Variants in LUZP2 observed in about 807,000 individuals in gnomAD.
LUZP2 encodes leucine zipper protein 2.
A neutral mutation model predicts 51.6 loss-of-function variants in LUZP2; 52 were observed. The ratio of observed to expected loss-of-function variants is 1.01; its 90% CI spans 0.81 to 1.27. The LOEUF (loss-of-function observed/expected upper bound fraction) is 1.27. Ranked by LOEUF, LUZP2 falls within the 50% of genes most tolerant of loss-of-function variation. The probability of loss-of-function intolerance (pLI) is 0.00; values close to 1 mark genes in which losing one functional copy is unlikely to be tolerated. For synonymous variants in LUZP2, 154 were observed against 137.3 expected (o/e 1.12, Z -0.85); for missense variants, 436 against 395.4 (o/e 1.10, Z -0.87).
At chr11:24,600,286 G>A (rs11028044) in intron 1 of LUZP2, among the ~76,000 whole-genome samples, 1 of 151,748 alleles carries the variant, frequency 6.6e-6, no homozygotes, top group East Asian at 1.9e-4. Flanking sequence ...TGCAGCTTAG[G>A]CCGAGATCAG....
intron 9 of LUZP2, among the ~76,000 whole-genome samples, chr11:24,987,828 G>A (rs1856231540): frequency 6.6e-6 from 1 of 151,890 alleles, no homozygotes; most frequent in Admixed American, 6.6e-5. Context: ...CCTCAAAACA[G>A]TGCACCTGGA....
intron 10 of LUZP2, among the ~76,000 whole-genome samples, chr11:25,057,333 G>A (rs1858718805): frequency 6.6e-6 from 1 of 152,042 alleles, no homozygotes; most frequent in Admixed American, 6.6e-5. Context: ...AAACCAGGCA[G>A]GGTCACTTAG....
At chr11:25,016,767 T>A (rs906376131) in intron 9 of LUZP2, among the ~76,000 whole-genome samples, 1 of 152,128 alleles carries the variant, frequency 6.6e-6, no homozygotes, top group African/African-American at 2.4e-5. Flanking sequence ...TATGATGACT[T>A]TTTTTTCCTG....
At chr11:24,614,338 T>C (rs913368522) in intron 1 of LUZP2, among the ~76,000 whole-genome samples, 1 of 152,020 alleles carries the variant, frequency 6.6e-6, no homozygotes, top group African/African-American at 2.4e-5. Context: ...ACTATAACCA[T>C]CTTTTTCTGA....
intron 7 of LUZP2, among the ~76,000 whole-genome samples, chr11:24,918,231 T>C (rs1853866046): frequency 6.6e-6 from 1 of 152,138 alleles, no homozygotes; most frequent in Admixed American, 6.6e-5. Context: ...TATGGAGATT[T>C]TGCGCTGAGA....
At chr11:24,601,676 A>G (rs1461077432) in intron 1 of LUZP2, among the ~76,000 whole-genome samples, 1 of 151,546 alleles carries the variant, frequency 6.6e-6, no homozygotes, top group Non-Finnish European at 1.5e-5. Flanking sequence ...AATTGTTTCA[A>G]TGGATAATAT....
intron 7 of LUZP2, among the ~76,000 whole-genome samples, chr11:24,928,544 T>A (rs1030436644): frequency 3.3e-5 from 5 of 152,114 alleles, no homozygotes; most frequent in Non-Finnish European, 7.4e-5. Flanking sequence ...TTAATTTGTA[T>A]ATGTTAAACC....
intron 1 of LUZP2, among the ~76,000 whole-genome samples, chr11:24,682,340 C>G (rs1397616936): frequency 2.6e-5 from 4 of 151,464 alleles, no homozygotes; most frequent in Non-Finnish European, 5.9e-5. Context: ...ATTAAAAATG[C>G]AAAAATTAGC....
intron 9 of LUZP2, among the ~76,000 whole-genome samples, chr11:25,049,319 A>G (rs1290496254): frequency 2.0e-5 from 3 of 152,214 alleles, no homozygotes; most frequent in Non-Finnish European, 4.4e-5. Context: ...AAACACCAAT[A>G]TTCAAATTAG....
At chr11:24,934,843 G>T (rs77770583) in intron 7 of LUZP2, among the ~76,000 whole-genome samples, 1 of 152,084 alleles carries the variant, frequency 6.6e-6, no homozygotes, top group African/African-American at 2.4e-5. Context: ...TGTCAGAGTT[G>T]GTACTCAAGA....
At chr11:24,998,780 A>G (rs1856587043) in intron 9 of LUZP2, among the ~76,000 whole-genome samples, 2 of 152,176 alleles carry the variant, frequency 1.3e-5, no homozygotes, top group African/African-American at 4.8e-5. Flanking sequence ...GCTTCCAGGC[A>G]TAAAATCTTG....
intron 5 of LUZP2, among the ~76,000 whole-genome samples, chr11:24,864,386 A>G (rs568615144): frequency 3.0e-4 from 46 of 152,346 alleles, no homozygotes; most frequent in African/African-American, 1.1e-3. Flanking sequence ...TATAGTATTT[A>G]TAGTGTTTAT....
In LUZP2 at chr11:24,664,428, G is replaced by C. The variant is rs1176972403; in HGVS notation, c.63-64741G>C. Among the ~76,000 whole-genome samples the C allele has an allele frequency of 2.0e-5, 3 of 152,256 alleles. No homozygotes were observed. The East Asian group carries it at 5.8e-4, about 29-fold the overall frequency. Reference sequence around the variant, plus strand: ...AAAGAACAAAAACCCATTTTCTGGGGAGAAATTCAAGCCAGTTGGAGAAAT... The same window carrying C: ...AAAGAACAAAAACCCATTTTCTGGGCAGAAATTCAAGCCAGTTGGAGAAAT... On this transcript the variant is annotated intron_variant, in intron 1 of 11. Transcript: ENST00000336930.
chr11:24,581,256 GAACA>G (rs559806303), intron 1 of LUZP2, among the ~76,000 whole-genome samples: 12 of 144,192 alleles, frequency 8.3e-5, no homozygotes, highest in East Asian at 4.1e-4. Flanking sequence ...GTCATAAAAA[GAACA>G]AACAAACAAC....
intron 1 of LUZP2, among the ~76,000 whole-genome samples, chr11:24,507,239 A>G (rs185975429): frequency 1.4e-3 from 209 of 152,188 alleles, no homozygotes; most frequent in African/African-American, 4.9e-3. Flanking sequence ...TCCTATGTAT[A>G]TGAGAGCTTA....
intron 4 of LUZP2, among the ~76,000 whole-genome samples, chr11:24,750,209 T>G (rs981050757): frequency 4.6e-5 from 7 of 152,178 alleles, no homozygotes; most frequent in African/African-American, 1.7e-4. Flanking sequence ...CTCTTTTACT[T>G]AATACTGGGG....
intron 1 of LUZP2, among the ~76,000 whole-genome samples, chr11:24,693,320 A>C (rs1450793276): frequency 6.6e-5 from 10 of 151,562 alleles, no homozygotes; most frequent in Admixed American, 5.9e-4. Flanking sequence ...AATACATCAC[A>C]GAGGCAGCTG....
chr11:24,855,794 GA>G (rs1157740055), intron 5 of LUZP2, among the ~76,000 whole-genome samples: 1 of 152,018 alleles, frequency 6.6e-6, no homozygotes, highest in African/African-American at 2.4e-5. Flanking sequence ...AGAAAACTCA[GA>G]AATAAAGGTA....
intron 7 of LUZP2, among the ~76,000 whole-genome samples, chr11:24,934,605 GA>G (rs886623613): frequency 1.2e-3 from 186 of 149,566 alleles, no homozygotes; most frequent in African/African-American, 4.0e-3. Context: ...ATCAGGATTT[GA>G]AAAAAAAATG....
Sources: allele counts gnomAD v4.1 joint callset (sites outside exome capture counted in the v4.1 genomes callset), GRCh38; gene constraint gnomAD v4.1.1; transcripts MANE v1.5; gene names NCBI Gene and HGNC (gene_info 2026-07-23, HGNC 2026-07-21).